Variants in ROBO2 observed in about 807,000 individuals in gnomAD.
The protein encoded by ROBO2 is roundabout homolog 2.
A neutral mutation model predicts 160.8 loss-of-function variants in ROBO2; 53 were observed. That is an observed-to-expected ratio of 0.33 (90% CI 0.26 to 0.41). The LOEUF is 0.41. Ranked by LOEUF, ROBO2 falls within the 10% of genes least tolerant of loss-of-function variation. The pLI, the probability that ROBO2 is intolerant of heterozygous loss-of-function variation, is 1.00. For missense variants in ROBO2, 1,577 were observed against 1,722.4 expected, an observed-to-expected ratio of 0.92 and a Z score of 1.49; for synonymous variants, 664 against 611.7, an observed-to-expected ratio of 1.09 and a Z score of -1.26.
chr3:76,297,192 C>T (rs141079185), intron 2 of ROBO2, among the ~76,000 whole-genome samples: 2 of 152,314 alleles, frequency 1.3e-5, no homozygotes, highest in East Asian at 1.9e-4. Flanking sequence ...AAAATGCAGA[C>T]AGCTCTCCTT....
intron 2 of ROBO2, among the ~76,000 whole-genome samples, chr3:76,670,564 G>A (rs190009517): frequency 1.5e-3 from 235 of 152,022 alleles, no homozygotes; most frequent in African/African-American, 5.2e-3. Flanking sequence ...TACCCTCTGG[G>A]CAAACCTGCA....
At chr3:77,639,639 C>A (rs1195636766) in intron 24 of ROBO2, among the ~76,000 whole-genome samples, 2 of 152,096 alleles carry the variant, frequency 1.3e-5, no homozygotes, top group Non-Finnish European at 2.9e-5. Context: ...GAGAGAGAAA[C>A]AAGATAGAGT....
intron 2 of ROBO2, among the ~76,000 whole-genome samples, chr3:76,490,358 G>A (rs1233001323): frequency 2.6e-5 from 4 of 152,190 alleles, no homozygotes; most frequent in Non-Finnish European, 4.4e-5. Context: ...AGAATGAATA[G>A]TCTTCTCTCC....
chr3:77,450,806 G>A (rs7627390), intron 2 of ROBO2, among the ~76,000 whole-genome samples: 17,414 of 152,020 alleles, frequency 0.11, 1,251 homozygotes, highest in East Asian at 0.27. Context: ...GTTAGGTATT[G>A]TATATGCAGA....
chr3:77,243,939 A>G (rs553527427), intron 2 of ROBO2, among the ~76,000 whole-genome samples: 1 of 152,328 alleles, frequency 6.6e-6, no homozygotes, highest in East Asian at 1.9e-4. Flanking sequence ...GACAAGGACC[A>G]TATTATGAAA....
intron 2 of ROBO2, among the ~76,000 whole-genome samples, chr3:76,563,172 T>A (rs528799032): frequency 6.6e-6 from 1 of 152,282 alleles, no homozygotes; most frequent in Admixed American, 6.5e-5. Flanking sequence ...AGTCAGTCAA[T>A]TAACAAACTG....
chr3:76,094,485 G>A (rs144586147), intron 2 of ROBO2, among the ~76,000 whole-genome samples: 231 of 152,288 alleles, frequency 1.5e-3, no homozygotes, highest in African/African-American at 5.3e-3. Context: ...AGGATGCCCT[G>A]AGACTCCATC....
chr3:76,649,282 T>C (rs899285087), intron 2 of ROBO2, among the ~76,000 whole-genome samples: 9 of 152,180 alleles, frequency 5.9e-5, no homozygotes, highest in African/African-American at 1.9e-4. Flanking sequence ...ACTGCGTTTC[T>C]TTGGGCCAGC....
At chr3:76,464,898 T>G (rs964921165) in intron 2 of ROBO2, among the ~76,000 whole-genome samples, 11 of 152,148 alleles carry the variant, frequency 7.2e-5, no homozygotes, top group African/African-American at 2.7e-4. Context: ...TCCATTCATC[T>G]CTATACAATA....
chr3:77,076,750 A>G (rs1180645533), intron 1 of ROBO2, among the ~76,000 whole-genome samples: 1 of 152,240 alleles, frequency 6.6e-6, no homozygotes, highest in African/African-American at 2.4e-5. Context: ...GAACTTTAAT[A>G]ATTTGCCCTA....
At chr3:77,392,823 T>C (rs1173486696) in intron 2 of ROBO2, among the ~76,000 whole-genome samples, 1 of 152,194 alleles carries the variant, frequency 6.6e-6, no homozygotes, top group East Asian at 1.9e-4. Flanking sequence ...TTTTTTCTTC[T>C]GAATTTGCAG....
intron 2 of ROBO2, among the ~76,000 whole-genome samples, chr3:76,667,573 G>GA (rs35566100): frequency 0.45 from 68,420 of 151,738 alleles, 15,976 homozygotes; most frequent in African/African-American, 0.57. Context: ...GATCAAATCA[G>GA]AAAAAACAAC....
chr3:75,979,231 C>T (rs761520936), intron 2 of ROBO2, among the ~76,000 whole-genome samples: 6 of 151,482 alleles, frequency 4.0e-5, no homozygotes, highest in Non-Finnish European at 7.4e-5. Context: ...ACTAGGATGG[C>T]ATCATAAAGA....
At chr3:77,441,018 G>A (rs986412690) in intron 2 of ROBO2, among the ~76,000 whole-genome samples, 19 of 151,834 alleles carry the variant, frequency 1.3e-4, no homozygotes, top group African/African-American at 3.4e-4. Context: ...TCTTTCTGTC[G>A]AAGATTTCCT....
chr3:77,595,085 T>G, intron 17 of ROBO2, 57 bp from the exon 19 acceptor site: 1 of 1,391,824 alleles, frequency 7.2e-7, no homozygotes, highest in Non-Finnish European at 1.0e-6. Context: ...TGTTATTAAT[T>G]GTAATTAATA....
intron 2 of ROBO2, among the ~76,000 whole-genome samples, chr3:76,327,511 G>C (rs1412896568): frequency 6.6e-6 from 1 of 152,090 alleles, no homozygotes; most frequent in East Asian, 1.9e-4. Flanking sequence ...ATCATAAAAA[G>C]TAAAAATTCA....
In ROBO2 at chr3:76,812,345, G is replaced by GAA. The variant is rs199902883; in HGVS notation, c.110-285652_110-285651dup. Among the ~76,000 whole-genome samples, 260 of 94,418 alleles carry GAA rather than the reference G, an allele frequency of 2.8e-3. 16 individuals are homozygous for GAA. Among genetic ancestry groups the GAA allele is most frequent in the South Asian group, 0.018 (56 of 3,078 alleles). 61.9% of individuals were successfully genotyped at this position (94,418 alleles called of 152,430 possible). A position where few individuals can be genotyped will look rare whatever the true frequency, so the allele number is the denominator to read the frequency against. Reference sequence around the variant, plus strand: ...CAAATTTTAAAGATAAAAGCTATTTGAAAAAAAAAAAAAAAAAACGTGTTT... The same window carrying GAA: ...CAAATTTTAAAGATAAAAGCTATTTGAAAAAAAAAAAAAAAAAAAACGTGTTT... On this transcript the variant is annotated intron_variant, in intron 2 of 26. Coordinates refer to the ROBO2 transcript ENST00000487694.
At chr3:77,593,008 T>G (rs2153686194) in intron 17 of ROBO2, among the ~76,000 whole-genome samples, 1 of 152,326 alleles carries the variant, frequency 6.6e-6, no homozygotes, top group Non-Finnish European at 1.5e-5. Flanking sequence ...TAATATTATT[T>G]ATTGCTCTGG....
intron 2 of ROBO2, among the ~76,000 whole-genome samples, chr3:76,850,593 G>C (rs560160526): frequency 6.6e-6 from 1 of 152,148 alleles, no homozygotes; most frequent in African/African-American, 2.4e-5. Context: ...CCCACAGTAC[G>C]GGGCTCGATG....
Sources: allele counts gnomAD v4.1 joint callset (sites outside exome capture counted in the v4.1 genomes callset), GRCh38; gene constraint gnomAD v4.1.1; transcripts MANE v1.5; gene names NCBI Gene and HGNC (gene_info 2026-07-23, HGNC 2026-07-21).